Variants in CHD8 observed in about 807,000 individuals in gnomAD.
The protein encoded by CHD8 is ATP-dependent chromatin remodeler CHD8.
Under a neutral mutation model 279.2 loss-of-function variants are expected in CHD8, and 31 were observed. The ratio of observed to expected loss-of-function variants is 0.11; its 90% CI spans 0.08 to 0.15. The LOEUF is 0.15. CHD8 is among the 10% of genes least tolerant of loss of function. The probability of loss-of-function intolerance (pLI) is 1.00; values close to 1 mark genes in which losing one functional copy is unlikely to be tolerated. For synonymous variants in CHD8, 1,081 were observed against 1,139.6 expected (o/e 0.95, Z 1.04); for missense variants, 2,146 against 3,230.5 (o/e 0.66, Z 8.14).
At position 21,405,745 on chromosome 14, in the gene CHD8, A is replaced by G. The variant is rs760203976; in HGVS notation, c.3027T>C (p.Phe1009=). Reference sequence around the variant, plus strand: ...CCTGTTCCTCTGTCTTGAGATCCCCAAAGTCCTTGAGAAACTCTGATTCTG... The same window carrying G: ...CCTGTTCCTCTGTCTTGAGATCCCCGAAGTCCTTGAGAAACTCTGATTCTG... ...FPSESEFLKD[F]GDLKTEEQVQ... Residue 1009 remains phenylalanine (F), a synonymous_variant, in exon 15 of 38, where the codon TTT becomes TTC. Coordinates refer to ENST00000646647, the MANE Select transcript of CHD8 (RefSeq NM_001170629.2). This position sits in a 1 kb window ranked among gnomAD's most constrained non-coding sequence, Gnocchi z 4.2. The G allele has an allele frequency of 2.5e-6, 4 of 1,613,918 alleles. No individual in the cohort carries two copies. The highest frequency in any genetic ancestry group is 1.7e-5 in the Admixed American group (1 of 60,014).
At chr14:21,386,659 AAC>A (rs1887255482) in intron 37 of CHD8, among the ~76,000 whole-genome samples, 1 of 152,144 alleles carries the variant, frequency 6.6e-6, no homozygotes, top group African/African-American at 2.4e-5. Flanking sequence ...AACACGGTGA[AAC>A]CCGGTCTCTA....
intron 1 of CHD8, among the ~76,000 whole-genome samples, chr14:21,449,066 C>T (rs942918695): frequency 1.3e-5 from 2 of 151,782 alleles, no homozygotes; most frequent in South Asian, 4.2e-4. Context: ...CCCAGCTACT[C>T]GGGAGGCTGA....
At chr14:21,397,982 A>C (rs756649258) in intron 26 of CHD8, 30 bp from the exon 27 acceptor site, 15 of 1,581,540 alleles carry the variant, frequency 9.5e-6, no homozygotes, top group African/African-American at 1.3e-5. Context: ...AGTTGAAGAA[A>C]ATGAGATTTG....
At chr14:21,392,283 T>C (rs751445294) in intron 34 of CHD8, 2 of 757,494 alleles carry the variant, frequency 2.6e-6, no homozygotes, top group South Asian at 1.4e-5. Context: ...AGCATACTAA[T>C]TTAAGAAACT....
At position 21,414,952 on chromosome 14, in the gene CHD8, G is replaced by A. The variant is rs113768690; in HGVS notation, c.2010C>T (p.Val670=). The A allele has an allele frequency of 2.5e-6, 4 of 1,601,878 alleles. No individual in the cohort carries two copies. The highest frequency in any genetic ancestry group is 2.7e-5 in the African/African-American group (2 of 74,718). The change falls in exon 8 of 38, where the codon GTC becomes GTT. Residue 670 remains valine (V), a synonymous_variant. Transcript: ENST00000646647. Reference sequence around the variant, plus strand: ...AGATCACGTACTAGTTCTTGTACTTGACAAAGAATTCTTCTGCTTCAGTAT... The same window carrying A: ...AGATCACGTACTAGTTCTTGTACTTAACAAAGAATTCTTCTGCTTCAGTAT... ...GQYTEAEEFF[V]KYKNYSYLHC...
chr14:21,389,495 C>T (rs1336901678), intron 37 of CHD8, among the ~76,000 whole-genome samples: 3 of 151,990 alleles, frequency 2.0e-5, no homozygotes, highest in Non-Finnish European at 4.4e-5. Flanking sequence ...CCAGTGGTCC[C>T]AGCTACTTGG....
At chr14:21,449,712 C>T (rs1378187122) in intron 1 of CHD8, among the ~76,000 whole-genome samples, 1 of 152,188 alleles carries the variant, frequency 6.6e-6, no homozygotes, top group Non-Finnish European at 1.5e-5. Flanking sequence ...ATGTCAGTGT[C>T]TATTTCTTAA....
Position 21,397,824 on chromosome 14 carries a change from C to G in CHD8, c.5050G>C (p.Gly1684Arg). 6.2e-7 allele frequency: 1 copy of G among 1,613,456 alleles called. No homozygotes were observed. Among genetic ancestry groups the G allele is most frequent in the Non-Finnish European group, 8.5e-7 (1 of 1,179,656 alleles). The change falls in exon 27 of 38, where the codon GGG becomes CGG. Residue 1684 changes from glycine (G) to arginine (R), a missense_variant and splice_region_variant. Transcript: ENST00000646647. ...AAAAGAACAAATACTAATGCTTACC[C>G]TTCTACTATGTCAGAGAAGTTATCC... ...VLDNFSDIVE[G>R]VDFDKDCEDP...
At chr14:21,395,638 G>C (rs759856328) in intron 28 of CHD8, 179 bp downstream of exon 28, 5 of 600,028 alleles carry the variant, frequency 8.3e-6, no homozygotes, top group Non-Finnish European at 1.2e-5. Flanking sequence ...AGTTATCCCT[G>C]ATCTCCCCCT....
In CHD8 at chr14:21,385,843, G is replaced by A. The variant is rs1213079847; in HGVS notation, c.7516C>T (p.His2506Tyr). 1 of 1,549,594 alleles carries A rather than the reference G, an allele frequency of 6.5e-7. No individual in the cohort carries two copies. Among genetic ancestry groups the A allele is most frequent in the Non-Finnish European group, 8.7e-7 (1 of 1,146,576 alleles). ...GGGGCTCTCAAGCCTGGATGGTGAT[G>A]GTGGTGATGGTGGGGGTGGGGGTGG... is the stretch of plus-strand genomic sequence containing the variant. ...HHHPHPHHHHHHHPGLRAPGY... is the reference protein window; with the variant it reads ...HHHPHPHHHHYHHPGLRAPGY... Residue 2506 changes from histidine (H) to tyrosine (Y), a missense_variant, in exon 38 of 38, where the codon CAT (histidine) becomes TAT (tyrosine). Physicochemically the swap from His to Tyr is moderately conservative, Grantham distance 83. Transcript: ENST00000646647.
At chr14:21,434,194 C>A (rs1404295871) in intron 1 of CHD8, among the ~76,000 whole-genome samples, 1 of 151,804 alleles carries the variant, frequency 6.6e-6, no homozygotes, top group East Asian at 1.9e-4. Context: ...TACAGGCCTG[C>A]GCCACCACAC....
chr14:21,390,930 G>A lies in CHD8; in HGVS notation c.7182+17C>T. The A allele has an allele frequency of 7.7e-7, 1 of 1,294,216 alleles. No homozygotes were observed. Among genetic ancestry groups the A allele is most frequent in the Non-Finnish European group, 1.1e-6 (1 of 901,960 alleles). The allele number at this position is 1,294,216 out of a possible 1,614,324, so 80.2% of individuals were successfully genotyped here. ...TCTAGTGTGGGAATAGAGTGGTAAT[G>A]CTGCAATTTCTCTCACCTTTTTCCC... is the stretch of plus-strand genomic sequence containing the variant. On this transcript the variant is annotated intron_variant, in intron 37 of 37. Coordinates refer to ENST00000646647, the MANE Select transcript of CHD8 (RefSeq NM_001170629.2).
rs372273440 is a variant in CHD8 at position 21,433,643 on chromosome 14, A to G, written c.-215-1785T>C. On this transcript the variant is annotated intron_variant, in intron 1 of 37. Coordinates refer to ENST00000646647, the MANE Select transcript of CHD8 (RefSeq NM_001170629.2). ...AGATACTCCAAAACAGACAAAGAGAACAAACACGTGAGTCAAAATTACAAA... is the reference window on the plus strand; with the variant it reads ...AGATACTCCAAAACAGACAAAGAGAGCAAACACGTGAGTCAAAATTACAAA... 3.7e-4 allele frequency among the ~76,000 whole-genome samples: 57 copies of G among 152,340 alleles called. No individual in the cohort carries two copies. In the South Asian group the frequency reaches 0.011, roughly 29 times the overall value.
intron 2 of CHD8, chr14:21,429,704 A>C (rs1389434706): frequency 5.5e-6 from 2 of 364,554 alleles, no homozygotes; most frequent in African/African-American, 4.2e-5. Flanking sequence ...CAGACACCTG[A>C]TTGGCATAGC....
In CHD8 at chr14:21,393,851, T is replaced by C. The variant is rs1357365979; in HGVS notation, c.5944A>G (p.Thr1982Ala). 6.2e-7 allele frequency: 1 copy of C among 1,613,728 alleles called. No homozygotes were observed. The highest frequency in any genetic ancestry group is 1.7e-5 in the Admixed American group (1 of 59,992). Reference sequence around the variant, plus strand: ...GTATACTGCTGGTGCAGCAGTGGAGTAGAGCAGCGTGACAAGGATGGAGCT... The same window carrying C: ...GTATACTGCTGGTGCAGCAGTGGAGCAGAGCAGCGTGACAAGGATGGAGCT... ...APAPSLSRCS[T>A]PLLHQQYTSR... Residue 1982 changes from threonine to alanine, a missense_variant, in exon 32 of 38, where the codon ACT becomes GCT. Physicochemically the swap from Thr to Ala is moderately conservative, Grantham distance 58. Transcript: ENST00000646647.
In CHD8 at chr14:21,408,680, C is replaced by T. The variant is rs767373870; in HGVS notation, c.2486+24G>A. The T allele has an allele frequency of 1.2e-6, 2 of 1,604,936 alleles. No homozygotes were observed. Among genetic ancestry groups the T allele is most frequent in the East Asian group, 2.2e-5 (1 of 44,754 alleles). The stretch of plus-strand genomic sequence containing the variant: ...AATAATCCCAGAACTAAGCTTACAT[C>T]TTATGGCCCATTCTTTCCTTTACCT... On this transcript the variant is annotated intron_variant, in intron 12 of 37. Coordinates refer to ENST00000646647, the MANE Select transcript of CHD8 (RefSeq NM_001170629.2). The surrounding 1 kb of genome is among the most constrained non-coding windows in gnomAD (Gnocchi z 4.3).
chr14:21,393,978 G>A lies in CHD8; in HGVS notation c.5817C>T (p.Arg1939=), dbSNP rs140310602. The A allele has an allele frequency of 4.8e-4, 775 of 1,613,950 alleles. 1 individual carries two copies. Among genetic ancestry groups the A allele is most frequent in the Non-Finnish European group, 6.2e-4 (732 of 1,179,882 alleles). ...HDGELLRGAA[R]HGVSQTDCNI... is the part of the protein sequence containing the mutation. ...TGCAGTCTGTTTGGCTCACCCCATG[G>A]CGGGCTGCCCCTCTTAGAAGCTCCC... is the stretch of plus-strand genomic sequence containing the variant. Residue 1939 remains arginine (R), a synonymous_variant, in exon 32 of 38, where the codon CGC becomes CGT. Transcript: ENST00000646647.
At position 21,428,154 on chromosome 14, in the gene CHD8, T is replaced by A. The variant is rs1322402832; in HGVS notation, c.1316A>T (p.His439Leu). The change falls in exon 4 of 38, where the codon CAT becomes CTT. Residue 439 changes from histidine to leucine, a missense_variant. Physicochemically the swap from His to Leu is moderately conservative, Grantham distance 99. Transcript: ENST00000646647. ...CTCCATTCCTGTCTTTCCCCCCGAA[T>A]GAGGAGCAGAGCTTGCTGGTGATGA... Reference protein sequence around the residue: ...ALSSPASSAPHSGGKTGMEEN... With the variant: ...ALSSPASSAPLSGGKTGMEEN... 5.0e-6 allele frequency: 8 copies of A among 1,614,014 alleles called. No homozygotes were observed. Among genetic ancestry groups the A allele is most frequent in the Non-Finnish European group, 6.8e-6 (8 of 1,179,894 alleles).
At position 21,448,830 on chromosome 14, in the gene CHD8, T is replaced by G. The variant is rs1228944124; in HGVS notation, c.-216+7202A>C. On this transcript the variant is annotated intron_variant, in intron 1 of 37. Transcript: ENST00000646647. ...CACCCGCCTCGCCCTCCCAAAGTGC[T>G]GGGATTACAGGCGTGAGCCACCGCG... Among the ~76,000 whole-genome samples, 10 of 150,066 alleles carry G rather than the reference T, an allele frequency of 6.7e-5. No individual in the cohort carries two copies. The East Asian group carries it at 2.0e-3, about 30-fold the overall frequency.
Sources: gnomAD v4.1 joint callset for allele counts (sites outside exome capture counted in the v4.1 genomes callset) on GRCh38, gnomAD v4.1.1 for gene constraint, Gnocchi (gnomAD v3.1) non-coding constraint, MANE v1.5 for transcripts, NCBI Gene and HGNC (gene_info 2026-07-23, HGNC 2026-07-21) for gene names.